Variants in ARHGAP10 observed in about 807,000 individuals in gnomAD.
ARHGAP10 encodes the protein Rho GTPase activating protein 10.
ARHGAP10 carries 87 observed loss-of-function variants against 108.6 expected under a neutral mutation model. The observed-to-expected ratio is 0.80, with a 90% CI of 0.67 to 0.96. The LOEUF (loss-of-function observed/expected upper bound fraction) is 0.96. Among genes scored for constraint, ARHGAP10 ranks in the 40% least tolerant of loss-of-function variants. The pLI, the probability that ARHGAP10 is intolerant of heterozygous loss-of-function variation, is 0.00. For missense variants in ARHGAP10, 939 were observed against 954.5 expected, an observed-to-expected ratio of 0.98 and a Z score of 0.21; for synonymous variants, 347 against 341.1, an observed-to-expected ratio of 1.02 and a Z score of -0.19.
chr4:147,766,817 TATATATATATATATA>T (rs1729843485), intron 1 of ARHGAP10, among the ~76,000 whole-genome samples: 1 of 12,502 alleles, frequency 8.0e-5, no homozygotes, highest in African/African-American at 8.9e-5. Flanking sequence ...TATATATATA[TATATATATATATATA>T]TATATATTTA....
chr4:148,067,435 C>G (rs953270078), intron 22 of ARHGAP10, among the ~76,000 whole-genome samples: 3 of 152,210 alleles, frequency 2.0e-5, no homozygotes, highest in Non-Finnish European at 1.5e-5. Context: ...ACTGAGAAGA[C>G]AGACTGGCAG....
chr4:147,951,857 C>A (rs1338769831), intron 15 of ARHGAP10, among the ~76,000 whole-genome samples: 3 of 152,110 alleles, frequency 2.0e-5, no homozygotes, highest in African/African-American at 7.2e-5. Context: ...TATATGTATA[C>A]CTCTGAAACT....
At chr4:147,892,385 T>C (rs1009332090) in intron 10 of ARHGAP10, among the ~76,000 whole-genome samples, 6 of 152,218 alleles carry the variant, frequency 3.9e-5, no homozygotes, top group African/African-American at 1.4e-4. Context: ...ACTGTACTAA[T>C]ATTTGTAAGC....
chr4:147,798,771 CTCTCTCTCTCTATATA>C (rs1324557418), intron 1 of ARHGAP10, among the ~76,000 whole-genome samples: 3 of 5,030 alleles, frequency 6.0e-4, no homozygotes, highest in African/African-American at 7.3e-4. Context: ...CTCTCTCTCT[CTCTCTCTCTCTATATA>C]TATATATATA....
chr4:147,798,849 G>C (rs1731461541), intron 1 of ARHGAP10, among the ~76,000 whole-genome samples: 1 of 145,060 alleles, frequency 6.9e-6, no homozygotes, highest in Middle Eastern at 3.3e-3. Context: ...TGAAAAATGT[G>C]CTACTTCCTT....
intron 10 of ARHGAP10, among the ~76,000 whole-genome samples, chr4:147,884,690 A>G (rs887251601): frequency 3.3e-5 from 5 of 151,798 alleles, no homozygotes; most frequent in Non-Finnish European, 7.4e-5. Flanking sequence ...GTCAGCTGGG[A>G]TTGAGAGTCA....
chr4:147,889,624 C>A (rs1004237373), intron 10 of ARHGAP10, among the ~76,000 whole-genome samples: 1 of 152,020 alleles, frequency 6.6e-6, no homozygotes, highest in Non-Finnish European at 1.5e-5. Context: ...CTTCTTATAG[C>A]AATTTCTCAG....
chr4:148,066,480 A>G (rs1220557289), intron 22 of ARHGAP10, among the ~76,000 whole-genome samples: 1 of 152,236 alleles, frequency 6.6e-6, no homozygotes, highest in Non-Finnish European at 1.5e-5. Context: ...CGTCTGACCC[A>G]GGAGACTTAC....
intron 1 of ARHGAP10, among the ~76,000 whole-genome samples, chr4:147,782,367 C>T (rs938634923): frequency 2.6e-5 from 4 of 152,066 alleles, no homozygotes; most frequent in African/African-American, 4.8e-5. Context: ...ATGGCATATG[C>T]GTTTTATTAT....
intron 1 of ARHGAP10, among the ~76,000 whole-genome samples, chr4:147,816,760 G>C (rs1471433660): frequency 6.6e-6 from 1 of 152,200 alleles, no homozygotes; most frequent in Admixed American, 6.5e-5. Flanking sequence ...ACCACTGCTG[G>C]TTTTGTAAAA....
At chr4:147,849,185 A>G (rs932382632) in intron 4 of ARHGAP10, among the ~76,000 whole-genome samples, 8 of 150,776 alleles carry the variant, frequency 5.3e-5, no homozygotes, top group Non-Finnish European at 2.9e-5. Flanking sequence ...TATGTAAACT[A>G]TGTAAACATC....
chr4:148,000,523 C>A (rs1001043569), intron 18 of ARHGAP10, among the ~76,000 whole-genome samples: 49 of 152,186 alleles, frequency 3.2e-4, no homozygotes, highest in African/African-American at 1.1e-3. Flanking sequence ...AATGGTTGAA[C>A]TAGTTTACAG....
At chr4:147,999,551 C>A (rs1211180739) in intron 18 of ARHGAP10, among the ~76,000 whole-genome samples, 1 of 152,214 alleles carries the variant, frequency 6.6e-6, no homozygotes, top group African/African-American at 2.4e-5. Flanking sequence ...CGCTCTGGAT[C>A]AGGTTAAAGG....
chr4:147,881,134 C>T (rs1469085363), intron 9 of ARHGAP10, among the ~76,000 whole-genome samples: 2 of 151,504 alleles, frequency 1.3e-5, no homozygotes, highest in Non-Finnish European at 2.9e-5. Flanking sequence ...ATTAGCCAGT[C>T]ATGGTGATGC....
At chr4:147,761,555 T>G (rs1431967658) in intron 1 of ARHGAP10, among the ~76,000 whole-genome samples, 1 of 152,214 alleles carries the variant, frequency 6.6e-6, no homozygotes, top group Non-Finnish European at 1.5e-5. Flanking sequence ...TGAATTTATC[T>G]CTTTCTCTTT....
intron 1 of ARHGAP10, among the ~76,000 whole-genome samples, chr4:147,762,744 C>T (rs989785057): frequency 6.6e-6 from 1 of 151,640 alleles, no homozygotes; most frequent in Admixed American, 6.6e-5. Flanking sequence ...GCTAGCCAGG[C>T]TGGTCTCGAT....
chr4:148,063,066 T>G, intron 20 of ARHGAP10, 82 bp from the exon 21 acceptor site: 6 of 1,511,676 alleles, frequency 4.0e-6, no homozygotes, highest in Non-Finnish European at 5.5e-6. Context: ...AGTGACCTAG[T>G]CATCTGGGAT....
intron 19 of ARHGAP10, among the ~76,000 whole-genome samples, chr4:148,037,503 A>G (rs527556309): frequency 6.6e-6 from 1 of 152,282 alleles, no homozygotes; most frequent in African/African-American, 2.4e-5. Context: ...AGGAAACAGT[A>G]TGGTGCACTC....
chr4:147,759,871 C>G (rs1373442380), intron 1 of ARHGAP10, among the ~76,000 whole-genome samples: 1 of 152,160 alleles, frequency 6.6e-6, no homozygotes, highest in Non-Finnish European at 1.5e-5. Flanking sequence ...GCCTCAGCCT[C>G]CTGAGTAGCG....
Sources: allele counts gnomAD v4.1 joint callset (sites outside exome capture counted in the v4.1 genomes callset), GRCh38; gene constraint gnomAD v4.1.1; transcripts MANE v1.5; gene names NCBI Gene and HGNC (gene_info 2026-07-23, HGNC 2026-07-21).